Variants in AGAP1 observed in about 807,000 individuals in gnomAD.
AGAP1 encodes the protein ArfGAP with GTPase domain, ankyrin repeat and PH domain 1.
In AGAP1, 29 loss-of-function variants were observed where a neutral mutation model predicts 105.3. That is an observed-to-expected ratio of 0.28 (90% CI 0.21 to 0.38). The LOEUF is 0.38. Among genes scored for constraint, AGAP1 ranks in the 10% least tolerant of loss-of-function variants. The probability of loss-of-function intolerance (pLI) is 1.00; values close to 1 mark genes in which losing one functional copy is unlikely to be tolerated. For missense variants in AGAP1, 998 were observed against 1,165.1 expected, an observed-to-expected ratio of 0.86 and a Z score of 2.09; for synonymous variants, 509 against 485.9, an observed-to-expected ratio of 1.05 and a Z score of -0.63.
intron 6 of AGAP1, among the ~76,000 whole-genome samples, chr2:235,771,434 G>T (rs1575409950): frequency 6.6e-6 from 1 of 152,316 alleles, no homozygotes; most frequent in East Asian, 1.9e-4. Context: ...CCACGGACCT[G>T]CCACAGGATG....
At chr2:235,772,202 A>G (rs1364402433) in intron 6 of AGAP1, among the ~76,000 whole-genome samples, 1 of 152,154 alleles carries the variant, frequency 6.6e-6, no homozygotes, top group Admixed American at 6.5e-5. Flanking sequence ...GATGTCGGCC[A>G]GGCTGGTCTC....
chr2:236,049,460 A>G (rs755073458), intron 16 of AGAP1, 179 bp downstream of exon 16: 4 of 562,598 alleles, frequency 7.1e-6, no homozygotes, highest in Admixed American at 3.1e-5. Flanking sequence ...AGACGTGGAT[A>G]ATTCACACTC....
intron 12 of AGAP1, among the ~76,000 whole-genome samples, chr2:235,940,071 C>G (rs533024424): frequency 6.6e-6 from 1 of 152,284 alleles, no homozygotes; most frequent in South Asian, 2.1e-4. Context: ...GTTTCTCACC[C>G]ACCTTTTCAC....
chr2:235,780,955 A>G (rs1216993938), intron 6 of AGAP1, among the ~76,000 whole-genome samples: 1 of 152,250 alleles, frequency 6.6e-6, no homozygotes, highest in East Asian at 1.9e-4. Flanking sequence ...TTTTACATGT[A>G]TAAGAATAAA....
intron 13 of AGAP1, among the ~76,000 whole-genome samples, chr2:236,013,429 A>G (rs1474446808): frequency 3.3e-5 from 5 of 152,288 alleles, no homozygotes; most frequent in Admixed American, 2.0e-4. Context: ...TGGCTCAAAC[A>G]CTACAGCAGG....
intron 1 of AGAP1, among the ~76,000 whole-genome samples, chr2:235,558,899 GAA>G (rs933598656): frequency 1.3e-5 from 2 of 150,040 alleles, no homozygotes; most frequent in Non-Finnish European, 3.0e-5. Flanking sequence ...TCTTAATAAG[GAA>G]AAAAAAAGTT....
rs2058639449 is a variant in AGAP1 at position 236,076,528 on chromosome 2, T to G, written c.2114+27247T>G. On this transcript the variant is annotated intron_variant, in intron 16 of 17. Transcript: ENST00000304032. The surrounding 1 kb of genome is among the most constrained non-coding windows in gnomAD (Gnocchi z 4.4). ...ACAAGCTGTCCTGACCTTCTCAGTG[T>G]GTGACCCAGGACACCGTGGAATCTG... Among the ~76,000 whole-genome samples, 1 of 152,188 alleles carries G rather than the reference T, an allele frequency of 6.6e-6. No homozygotes were observed. The highest frequency in any genetic ancestry group is 2.1e-4 in the South Asian group (1 of 4,828).
intron 1 of AGAP1, among the ~76,000 whole-genome samples, chr2:235,679,863 GT>G (rs1323905121): frequency 6.6e-6 from 1 of 152,230 alleles, no homozygotes; most frequent in Non-Finnish European, 1.5e-5. Context: ...TATTGATCAG[GT>G]TTGTTCAGTG....
chr2:235,942,663 A>T (rs2053315571), intron 12 of AGAP1, among the ~76,000 whole-genome samples: 1 of 136,308 alleles, frequency 7.3e-6, no homozygotes, highest in Non-Finnish European at 1.6e-5. Flanking sequence ...CAAGAGCGAA[A>T]CTCTGTCTAA....
At position 236,073,843 on chromosome 2, in the gene AGAP1, C is replaced by T. The variant is rs966780506; in HGVS notation, c.2114+24562C>T. 2.0e-5 allele frequency among the ~76,000 whole-genome samples: 3 copies of T among 152,220 alleles called. No homozygotes were observed. In the East Asian group the frequency reaches 5.8e-4, roughly 29 times the overall value. ...ACACACTTTAGAATCTGCAGGAGAC[C>T]TGCAGCCCCCCACCAGACCCCCAGA... On this transcript the variant is annotated intron_variant, in intron 16 of 17. Coordinates refer to ENST00000304032, the MANE Select transcript of AGAP1 (RefSeq NM_001037131.3). The surrounding 1 kb of genome is among the most constrained non-coding windows in gnomAD (Gnocchi z 5.4).
At chr2:235,702,934 G>GGTTTTTTTTTTTTTTTTTTTTTTTTT (rs1950324299) in intron 1 of AGAP1, among the ~76,000 whole-genome samples, 1 of 88,946 alleles carries the variant, frequency 1.1e-5, no homozygotes, top group Non-Finnish European at 2.2e-5. Context: ...AGTTTTCTTG[G>GGTTTTTTTTTTTTTTTTTTTTTTTTT]TTTTTTTTTT....
chr2:235,949,810 G>A (rs919934599), intron 12 of AGAP1, among the ~76,000 whole-genome samples: 2 of 152,130 alleles, frequency 1.3e-5, no homozygotes, highest in Non-Finnish European at 2.9e-5. Context: ...CCCTGTGCTC[G>A]TCTCTGATCA....
At chr2:235,588,371 A>G (rs1945200253) in intron 1 of AGAP1, among the ~76,000 whole-genome samples, 2 of 152,110 alleles carry the variant, frequency 1.3e-5, no homozygotes, top group South Asian at 4.1e-4. Context: ...CTTCTCCTCC[A>G]CTTCTCTACA....
rs1465100429 is a variant in AGAP1, at chr2:235,625,479, A to G, written c.164-83700A>G. ...TCCTTTGGAGGGATGGTGGGTTTCA[A>G]TGGTTTGAAAGAGAAAACCATGCTT... On this transcript the variant is annotated intron_variant, in intron 1 of 17. Coordinates refer to ENST00000304032, the MANE Select transcript of AGAP1 (RefSeq NM_001037131.3). The surrounding 1 kb of genome is among the most constrained non-coding windows in gnomAD (Gnocchi z 4.0). Among the ~76,000 whole-genome samples, 4 of 152,224 alleles carry G rather than the reference A, an allele frequency of 2.6e-5. No homozygotes were observed. The highest frequency in any genetic ancestry group is 2.1e-4 in the South Asian group (1 of 4,832).
chr2:235,968,539 T>A lies in AGAP1; in HGVS notation c.1561T>A (p.Ser521Thr). The A allele has an allele frequency of 1.7e-6, 1 of 584,128 alleles. No homozygotes were observed. The highest frequency in any genetic ancestry group is 2.6e-6 in the Non-Finnish European group (1 of 383,442). 36.2% of individuals were successfully genotyped at this position (584,128 alleles called of 1,614,324 possible). A position where few individuals can be genotyped will look rare whatever the true frequency, so the allele number is the denominator to read the frequency against. ...TTSPKLDPPP[S>T]PHANRKKHRR... ...CAGCCCCAAGCTCGACCCGCCCCCC[T>A]CCCCTCACGCCAACAGAAAGAAGCA... Residue 521 changes from serine to threonine, a missense_variant, in exon 13 of 18, where the codon TCC becomes ACC. Around this residue, in one of 3 missense-constraint regions of AGAP1, gnomAD observed 735 missense variants for 833.4 expected, o/e 0.88. Coordinates refer to ENST00000304032, the MANE Select transcript of AGAP1 (RefSeq NM_001037131.3).
Position 236,027,021 on chromosome 2 carries a change from A to G in AGAP1, c.1646-9540A>G, listed in dbSNP as rs988566162. On this transcript the variant is annotated intron_variant, in intron 13 of 17. Coordinates refer to ENST00000304032, the MANE Select transcript of AGAP1 (RefSeq NM_001037131.3). This position sits in a 1 kb window ranked among gnomAD's most constrained non-coding sequence, Gnocchi z 4.4. ...CTGTAAAGTCCTGGCGTTGTGCCTG[A>G]CAGAATTTGGAGCCCAGTGGTATTA... 2.0e-5 allele frequency among the ~76,000 whole-genome samples: 3 copies of G among 152,228 alleles called. No homozygotes were observed. Among genetic ancestry groups the G allele is most frequent in the Non-Finnish European group, 2.9e-5 (2 of 68,040 alleles).
At position 235,751,018 on chromosome 2, in the gene AGAP1, G is replaced by A; in HGVS notation, c.673+530G>A. Among the ~76,000 whole-genome samples, 1 of 152,092 alleles carries A rather than the reference G, an allele frequency of 6.6e-6. No individual in the cohort carries two copies. The highest frequency in any genetic ancestry group is 1.9e-4 in the East Asian group (1 of 5,172). ...ACCAGCCTTTTGGAATTGTTTTTAG[G>A]TTATTTTATTCATTATTGATCACCT... is the stretch of plus-strand genomic sequence containing the variant. On this transcript the variant is annotated intron_variant, in intron 6 of 17. Transcript: ENST00000304032. The surrounding 1 kb of genome is among the most constrained non-coding windows in gnomAD (Gnocchi z 5.3).
rs1349727350 is a variant in AGAP1 at position 235,970,452 on chromosome 2, G to A, written c.1645+1829G>A. Among the ~76,000 whole-genome samples the A allele has an allele frequency of 6.6e-6, 1 of 152,042 alleles. No homozygotes were observed. Among genetic ancestry groups the A allele is most frequent in the Non-Finnish European group, 1.5e-5 (1 of 67,998 alleles). On this transcript the variant is annotated intron_variant, in intron 13 of 17. Coordinates refer to ENST00000304032, the MANE Select transcript of AGAP1 (RefSeq NM_001037131.3). This position sits in a 1 kb window ranked among gnomAD's most constrained non-coding sequence, Gnocchi z 5.4. ...CCACCCCTCCCTGATTGGGAAGAAGGTTAGCCTCCCCCAGGGTGGGCAGCC... is the reference window on the plus strand; with the variant it reads ...CCACCCCTCCCTGATTGGGAAGAAGATTAGCCTCCCCCAGGGTGGGCAGCC...
intron 13 of AGAP1, among the ~76,000 whole-genome samples, chr2:236,018,343 T>TA (rs1249432216): frequency 6.6e-6 from 1 of 152,174 alleles, no homozygotes; most frequent in East Asian, 1.9e-4. Flanking sequence ...CAACTGAAAG[T>TA]AAATGTATTG....
Sources: gnomAD v4.1 joint callset for allele counts (sites outside exome capture counted in the v4.1 genomes callset) on GRCh38, gnomAD v4.1.1 for gene constraint, gnomAD v4.1.1 regional missense constraint, Gnocchi (gnomAD v3.1) non-coding constraint, MANE v1.5 for transcripts, NCBI Gene and HGNC (gene_info 2026-07-23, HGNC 2026-07-21) for gene names.